Variants in ANKRD36B observed in about 807,000 individuals in gnomAD.
The protein encoded by ANKRD36B is ankyrin repeat domain 36B.
In ANKRD36B, 37 loss-of-function variants were observed where a neutral mutation model predicts 135.7. The observed-to-expected ratio is 0.27, with a 90% CI of 0.21 to 0.36. The LOEUF is 0.36. Among genes scored for constraint, ANKRD36B ranks in the 10% least tolerant of loss-of-function variants. The pLI is 1.00. For synonymous variants in ANKRD36B, 179 were observed against 348.1 expected, an observed-to-expected ratio of 0.51 and a Z score of 5.41; for missense variants, 549 against 1,037.1, an observed-to-expected ratio of 0.53 and a Z score of 6.46.
Position 97,560,605 on chromosome 2 carries a change from G to T in ANKRD36B, c.865+60C>A, listed in dbSNP as rs2080933561. On this transcript the variant is annotated intron_variant, in intron 8 of 43. Coordinates refer to ENST00000359901, the MANE Select transcript of ANKRD36B (RefSeq NM_001393939.1). ...TGAACTCCCCACTGATTTATTTGGG[G>T]AAGGGAATTTCTCTTCTATCTTGAT... 5 of 1,589,926 alleles carry T rather than the reference G, an allele frequency of 3.1e-6. No homozygotes were observed. The South Asian group carries it at 3.3e-5, about 11-fold the overall frequency.
At chr2:97,554,974 T>C (rs1352031432) in intron 14 of ANKRD36B, 86 bp downstream of exon 14, 3 of 1,500,728 alleles carry the variant, frequency 2.0e-6, no homozygotes, top group East Asian at 2.4e-5. Context: ...GCAGCTTTGA[T>C]GAGCCCCCCC....
chr2:97,524,026 G>A (rs1422918286), intron 35 of ANKRD36B: 1 of 74,168 alleles, frequency 1.3e-5, no homozygotes, highest in Admixed American at 1.3e-4. Flanking sequence ...CTGATGTTCT[G>A]TCACCATGTG....
At chr2:97,587,993 T>C (rs1288998889) in intron 1 of ANKRD36B, among the ~76,000 whole-genome samples, 1 of 151,456 alleles carries the variant, frequency 6.6e-6, no homozygotes, top group Non-Finnish European at 1.5e-5. Context: ...TTTTATCTAA[T>C]ATGTATACAC....
intron 6 of ANKRD36B, among the ~76,000 whole-genome samples, chr2:97,568,749 A>G (rs2081621491): frequency 6.6e-6 from 1 of 152,092 alleles, no homozygotes; most frequent in South Asian, 2.1e-4. Flanking sequence ...AACTCACTGG[A>G]GCTACCAAGA....
intron 14 of ANKRD36B, 22 bp downstream of exon 14, chr2:97,555,038 T>A: frequency 6.2e-7 from 1 of 1,610,438 alleles, no homozygotes; most frequent in Non-Finnish European, 8.5e-7. Flanking sequence ...AACATGACAT[T>A]AAATGTGTTT....
At position 97,589,575 on chromosome 2, in the gene ANKRD36B, C is replaced by G. The variant is rs769379335; in HGVS notation, c.111G>C (p.Lys37Asn). The stretch of plus-strand genomic sequence containing the variant: ...CGTCATAATACGTGAGCAGAAGGTA[C>G]TTCAGTTTCTCCAGATTACCACGTA... The part of the protein sequence containing the change: ...AVLRGNLEKL[K>N]YLLLTYYDAN... The change falls in exon 1 of 44, where the codon AAG becomes AAC. Residue 37 changes from lysine to asparagine, a missense_variant. Coordinates refer to ENST00000359901, the MANE Select transcript of ANKRD36B (RefSeq NM_001393939.1). 1.2e-6 allele frequency: 2 copies of G among 1,612,900 alleles called. No homozygotes were observed. The highest frequency in any genetic ancestry group is 8.5e-7 in the Non-Finnish European group (1 of 1,179,450).
chr2:97,536,162 T>C (rs2078879618), intron 34 of ANKRD36B, 138 bp downstream of exon 34: 1 of 392,438 alleles, frequency 2.5e-6, no homozygotes, highest in South Asian at 2.2e-5. Flanking sequence ...TAAATAAAAA[T>C]GATAACAGCT....
rs1319091763 is a variant in ANKRD36B at position 97,580,493 on chromosome 2, C to T, written c.526G>A (p.Ala176Thr). 4 of 1,547,772 alleles carry T rather than the reference C, an allele frequency of 2.6e-6. No individual in the cohort carries two copies. Among genetic ancestry groups the T allele is most frequent in the East Asian group, 2.5e-5 (1 of 40,744 alleles). Residue 176 changes from alanine to threonine, a missense_variant, in exon 4 of 44, where the codon GCA becomes ACA. Transcript: ENST00000359901. Reference sequence around the variant, plus strand: ...AGATAATCAATGGCATTTACATTTGCTTTTTTCTTTAATAAAAATTCCACC... The same window carrying T: ...AGATAATCAATGGCATTTACATTTGTTTTTTTCTTTAATAAAAATTCCACC... ...KMVEFLLKKK[A>T]NVNAIDYLGR...
At chr2:97,564,080 T>C (rs1024387457) in intron 6 of ANKRD36B, among the ~76,000 whole-genome samples, 116 of 151,984 alleles carry the variant, frequency 7.6e-4, no homozygotes, top group Non-Finnish European at 1.3e-3. Flanking sequence ...ATACACAAAA[T>C]CAAGTTCTAC....
rs369736574 is a variant in ANKRD36B at position 97,579,780 on chromosome 2, T to A, written c.557+682A>T. Among the ~76,000 whole-genome samples, 576 of 151,944 alleles carry A rather than the reference T, an allele frequency of 3.8e-3. 1 individual carries two copies. The highest frequency in any genetic ancestry group is 0.012 in the East Asian group (62 of 5,178). ...CATACTTATATGCTCAGCCATTGTTTCCAAAACATCAGCACCTTGCTCTGT... is the reference window on the plus strand; with the variant it reads ...CATACTTATATGCTCAGCCATTGTTACCAAAACATCAGCACCTTGCTCTGT... On this transcript the variant is annotated intron_variant, in intron 4 of 43. Transcript: ENST00000359901.
chr2:97,580,457 T>A lies in ANKRD36B; in HGVS notation c.557+5A>T, dbSNP rs1335327948. On this transcript the variant is annotated splice_donor_5th_base_variant and intron_variant, in intron 4 of 43. Coordinates refer to ENST00000359901, the MANE Select transcript of ANKRD36B (RefSeq NM_001393939.1). ...AAACAACACAATAAGAACTAAGGTC[T>A]GTACCTGCCAAGATAATCAATGGCA... 2 of 1,542,820 alleles carry A rather than the reference T, an allele frequency of 1.3e-6. No homozygotes were observed. The highest frequency in any genetic ancestry group is 1.8e-6 in the Non-Finnish European group (2 of 1,141,498).
intron 35 of ANKRD36B, among the ~76,000 whole-genome samples, chr2:97,529,384 G>A (rs1425562424): frequency 1.1e-5 from 1 of 93,660 alleles, no homozygotes; most frequent in Non-Finnish European, 2.8e-5. Flanking sequence ...CAATAAATTA[G>A]GTATTGATGG....
At chr2:97,494,242 G>A (rs2077277731) in intron 43 of ANKRD36B, among the ~76,000 whole-genome samples, 1 of 58,314 alleles carries the variant, frequency 1.7e-5, no homozygotes, top group South Asian at 2.4e-4. Flanking sequence ...TAGGTAATAA[G>A]GTATAAGGAA....
intron 1 of ANKRD36B, among the ~76,000 whole-genome samples, chr2:97,585,703 C>A (rs2082930164): frequency 6.6e-6 from 1 of 152,182 alleles, no homozygotes; most frequent in South Asian, 2.1e-4. Flanking sequence ...GCCCACAGAA[C>A]ACTGCTGTGA....
intron 36 of ANKRD36B, among the ~76,000 whole-genome samples, chr2:97,516,188 C>T (rs1188597685): frequency 1.3e-4 from 6 of 45,846 alleles, no homozygotes; most frequent in African/African-American, 4.1e-4. Flanking sequence ...TCAGATAGGT[C>T]CTGTAAAAAA....
rs187986733 is a variant in ANKRD36B, at chr2:97,574,521, C to G, written c.763+1858G>C. On this transcript the variant is annotated intron_variant, in intron 6 of 43. Transcript: ENST00000359901. ...CTAGAACTAGAAATAGCATTTGACC[C>G]AGCCATCCCGTTACTGGGTATACAC... 2.6e-3 allele frequency among the ~76,000 whole-genome samples: 396 copies of G among 152,334 alleles called. 3 individuals are homozygous for G. Among genetic ancestry groups the G allele is most frequent in the Middle Eastern group, 6.8e-3 (2 of 294 alleles).
At chr2:97,526,928 T>C (rs2078247258) in intron 35 of ANKRD36B, among the ~76,000 whole-genome samples, 1 of 96,336 alleles carries the variant, frequency 1.0e-5, no homozygotes, top group Admixed American at 9.2e-5. Context: ...CTACATCTGA[T>C]TGGTGTACCT....
chr2:97,561,848 AT>A (rs2081052567), intron 6 of ANKRD36B, among the ~76,000 whole-genome samples: 1 of 151,956 alleles, frequency 6.6e-6, no homozygotes, highest in African/African-American at 2.4e-5. Flanking sequence ...TCAACAAAAC[AT>A]ATACCTCTGG....
intron 32 of ANKRD36B, among the ~76,000 whole-genome samples, chr2:97,537,476 C>G (rs542976674): frequency 1.0e-5 from 1 of 96,932 alleles, no homozygotes; most frequent in South Asian, 2.3e-4. Flanking sequence ...GAATATATGT[C>G]TGATGTCTGA....
Sources: gnomAD v4.1 joint callset for allele counts (sites outside exome capture counted in the v4.1 genomes callset) on GRCh38, gnomAD v4.1.1 for gene constraint, MANE v1.5 for transcripts, NCBI Gene and HGNC (gene_info 2026-07-23, HGNC 2026-07-21) for gene names.